KCNH8: variants seen among roughly 807,000 people sequenced by gnomAD.
The protein encoded by KCNH8 is voltage-gated delayed rectifier potassium channel KCNH8.
Under a neutral mutation model 103.6 loss-of-function variants are expected in KCNH8, and 70 were observed. The observed-to-expected ratio is 0.68, with a 90% CI of 0.56 to 0.82. KCNH8 has a LOEUF of 0.82. Among genes scored for constraint, KCNH8 ranks in the 40% least tolerant of loss-of-function variants. The pLI, the probability that KCNH8 is intolerant of heterozygous loss-of-function variation, is 0.00. For missense variants in KCNH8, 1,217 were observed against 1,329.9 expected (o/e 0.92, Z 1.32); for synonymous variants, 498 against 489.4 (o/e 1.02, Z -0.23).
intron 3 of KCNH8, among the ~76,000 whole-genome samples, chr3:19,293,431 GT>G (rs1162045613): frequency 6.6e-6 from 1 of 152,136 alleles, no homozygotes; most frequent in African/African-American, 2.4e-5. Context: ...ACTATTCAAA[GT>G]GTGGTCTGAG....
At chr3:19,180,723 G>A (rs374102602) in intron 1 of KCNH8, among the ~76,000 whole-genome samples, 1 of 151,604 alleles carries the variant, frequency 6.6e-6, no homozygotes, top group African/African-American at 2.4e-5. Flanking sequence ...GGTTTGGTTT[G>A]ATCTTTTAAA....
intron 1 of KCNH8, among the ~76,000 whole-genome samples, chr3:19,174,666 T>C (rs9856058): frequency 0.016 from 2,441 of 152,294 alleles, 57 homozygotes; most frequent in African/African-American, 0.056. Flanking sequence ...TAGTTAGGCA[T>C]TTACTACACG....
At position 19,498,871 on chromosome 3, in the gene KCNH8, G is replaced by A. The variant is rs999821224; in HGVS notation, c.2041-11492G>A. On this transcript the variant is annotated intron_variant, in intron 11 of 15. Coordinates refer to ENST00000328405, the MANE Select transcript of KCNH8 (RefSeq NM_144633.3). ...GGTGTCAGTCTGCCCCTGTTGGGGG[G>A]TGCCTCCCAGTTAGGCTGCTTGGGG... is the stretch of plus-strand genomic sequence containing the variant. Among the ~76,000 whole-genome samples the A allele has an allele frequency of 1.8e-4, 28 of 152,234 alleles. No individual in the cohort carries two copies. The Middle Eastern group carries it at 0.01, about 55-fold the overall frequency.
At chr3:19,234,731 A>T (rs1575456952) in intron 1 of KCNH8, among the ~76,000 whole-genome samples, 1 of 152,262 alleles carries the variant, frequency 6.6e-6, no homozygotes, top group African/African-American at 2.4e-5. Flanking sequence ...AAGTGCCGCC[A>T]AAGTAGGAGC....
intron 11 of KCNH8, among the ~76,000 whole-genome samples, chr3:19,473,787 C>T (rs1355433834): frequency 2.6e-5 from 4 of 152,166 alleles, no homozygotes; most frequent in African/African-American, 9.7e-5. Flanking sequence ...CACACACATA[C>T]ATTTATGTAG....
At chr3:19,316,810 G>A (rs1297086660) in intron 3 of KCNH8, among the ~76,000 whole-genome samples, 1 of 151,912 alleles carries the variant, frequency 6.6e-6, no homozygotes, top group Non-Finnish European at 1.5e-5. Flanking sequence ...CACACTTTTT[G>A]TCTGGATAAA....
chr3:19,232,760 T>A (rs2064010830), intron 1 of KCNH8, among the ~76,000 whole-genome samples: 1 of 152,204 alleles, frequency 6.6e-6, no homozygotes, highest in Non-Finnish European at 1.5e-5. Flanking sequence ...AGGTATGGTA[T>A]GAAAGATGCC....
chr3:19,447,697 G>C lies in KCNH8; in HGVS notation c.1376-2409G>C, dbSNP rs1170421172. ...AGCAGAATCAGTTCTTTTCTTTGGT[G>C]AGTGTTTATCATAAGTAGAGCTCTT... On this transcript the variant is annotated intron_variant, in intron 8 of 15. Transcript: ENST00000328405. Among the ~76,000 whole-genome samples, 3 of 151,982 alleles carry C rather than the reference G, an allele frequency of 2.0e-5. No individual in the cohort carries two copies. In the South Asian group the frequency reaches 6.2e-4, roughly 31 times the overall value.
intron 8 of KCNH8, among the ~76,000 whole-genome samples, chr3:19,445,353 A>AAGCC (rs1275684954): frequency 6.6e-6 from 1 of 151,774 alleles, no homozygotes; most frequent in African/African-American, 2.4e-5. Context: ...GGACACAGGG[A>AAGCC]AGCCTCCAGG....
intron 1 of KCNH8, among the ~76,000 whole-genome samples, chr3:19,162,566 A>G (rs948392278): frequency 1.3e-5 from 2 of 152,086 alleles, no homozygotes; most frequent in East Asian, 1.9e-4. Flanking sequence ...GAAGGGAAAA[A>G]TATTAAACAA....
Position 19,342,536 on chromosome 3 carries a change from G to A in KCNH8, c.443-51G>A, listed in dbSNP as rs376739479. ...AGGGAACTGTCAAAATGACATTCTT[G>A]AGGTGAAATGATGCATGCATGTGTG... On this transcript the variant is annotated intron_variant, in intron 3 of 15. Coordinates refer to ENST00000328405, the MANE Select transcript of KCNH8 (RefSeq NM_144633.3). 6.8e-4 allele frequency: 1,065 copies of A among 1,562,112 alleles called. 1 individual carries two copies. The highest frequency in any genetic ancestry group is 8.6e-4 in the Non-Finnish European group (988 of 1,150,834).
intron 2 of KCNH8, among the ~76,000 whole-genome samples, chr3:19,270,812 TATACACTGG>T (rs1214427312): frequency 6.6e-6 from 1 of 152,168 alleles, no homozygotes; most frequent in Non-Finnish European, 1.5e-5. Context: ...ATCATATATT[TATACACTGG>T]AGAATTGTCA....
chr3:19,168,181 T>C (rs2063304613), intron 1 of KCNH8, among the ~76,000 whole-genome samples: 1 of 151,732 alleles, frequency 6.6e-6, no homozygotes. Context: ...AGCTAACTTT[T>C]TTGTTTGTTT....
intron 15 of KCNH8, 76 bp from the exon 16 acceptor site, chr3:19,533,319 C>T (rs2069199397): frequency 2.3e-6 from 2 of 865,516 alleles, no homozygotes; most frequent in East Asian, 2.5e-5. Flanking sequence ...TATCACTTCC[C>T]TGCTTCATTT....
chr3:19,392,535 A>T (rs2066454730), intron 6 of KCNH8, among the ~76,000 whole-genome samples: 1 of 151,984 alleles, frequency 6.6e-6, no homozygotes, highest in Non-Finnish European at 1.5e-5. Context: ...AACATAAGTT[A>T]TGAGGAATAA....
chr3:19,520,377 G>A (rs1190502016), intron 15 of KCNH8, among the ~76,000 whole-genome samples: 1 of 151,942 alleles, frequency 6.6e-6, no homozygotes, highest in African/African-American at 2.4e-5. Context: ...CGAAGATTAA[G>A]TAGAAAAATC....
intron 7 of KCNH8, among the ~76,000 whole-genome samples, chr3:19,415,864 GT>G (rs2066855913): frequency 6.6e-6 from 1 of 151,872 alleles, no homozygotes; most frequent in Non-Finnish European, 1.5e-5. Flanking sequence ...TGTTACCAGT[GT>G]TTTTCAATTT....
intron 2 of KCNH8, among the ~76,000 whole-genome samples, chr3:19,261,177 T>A (rs142290330): frequency 6.6e-6 from 1 of 151,594 alleles, no homozygotes; most frequent in Non-Finnish European, 1.5e-5. Flanking sequence ...ACCCCCATAC[T>A]GTTTTTCATA....
intron 2 of KCNH8, among the ~76,000 whole-genome samples, chr3:19,256,392 C>T (rs990294161): frequency 1.3e-5 from 2 of 152,030 alleles, no homozygotes; most frequent in Non-Finnish European, 2.9e-5. Flanking sequence ...TATGATAAAA[C>T]AAAAGGATTC....
Sources: allele counts gnomAD v4.1 joint callset (sites outside exome capture counted in the v4.1 genomes callset), GRCh38; gene constraint gnomAD v4.1.1; transcripts MANE v1.5; gene names NCBI Gene and HGNC (gene_info 2026-07-23, HGNC 2026-07-21).